Variants in ARHGEF28 observed in about 807,000 individuals in gnomAD.
The protein encoded by ARHGEF28 is Rho guanine nucleotide exchange factor 28.
Under a neutral mutation model 206.6 loss-of-function variants are expected in ARHGEF28, and 152 were observed. That is an observed-to-expected ratio of 0.74 (90% CI 0.64 to 0.84). The LOEUF is 0.84. ARHGEF28 is among the 40% of genes least tolerant of loss of function. ARHGEF28 has a pLI of 0.00. For synonymous variants in ARHGEF28, 763 were observed against 776.4 expected (o/e 0.98, Z 0.29); for missense variants, 2,028 against 2,073.2 (o/e 0.98, Z 0.42).
In ARHGEF28 at chr5:73,898,149, A is replaced by C. The variant is rs1323029651; in HGVS notation, c.3973+56A>C. The C allele has an allele frequency of 2.5e-6, 4 of 1,581,304 alleles. No individual in the cohort carries two copies. The African/African-American group carries it at 5.4e-5, about 21-fold the overall frequency. ...CCTGAGCACAGTCCCTGGAGCTTACAGTGGTCACGTAAAGTAAAGGCAATG... is the reference window on the plus strand; with the variant it reads ...CCTGAGCACAGTCCCTGGAGCTTACCGTGGTCACGTAAAGTAAAGGCAATG... On this transcript the variant is annotated intron_variant, in intron 30 of 35. Coordinates refer to ENST00000513042, the MANE Select transcript of ARHGEF28 (RefSeq NM_001177693.2).
chr5:73,920,467 T>A (rs1412965816), intron 35 of ARHGEF28, among the ~76,000 whole-genome samples: 1 of 152,098 alleles, frequency 6.6e-6, no homozygotes, highest in Non-Finnish European at 1.5e-5. Flanking sequence ...CTTGGATACG[T>A]GTGCAGAACA....
At chr5:73,738,273 A>G (rs953451904) in intron 2 of ARHGEF28, among the ~76,000 whole-genome samples, 8 of 152,178 alleles carry the variant, frequency 5.3e-5, no homozygotes, top group Admixed American at 4.6e-4. Flanking sequence ...TTCTGGTCCA[A>G]GGTTAGCAGT....
intron 1 of ARHGEF28, among the ~76,000 whole-genome samples, chr5:73,632,842 T>G (rs1023126309): frequency 1.3e-5 from 2 of 152,272 alleles, no homozygotes; most frequent in Admixed American, 6.5e-5. Flanking sequence ...GGATTCGTGT[T>G]GTAGAAGACA....
At chr5:73,642,200 A>G (rs964105468) in intron 1 of ARHGEF28, among the ~76,000 whole-genome samples, 3 of 152,146 alleles carry the variant, frequency 2.0e-5, no homozygotes, top group Non-Finnish European at 2.9e-5. Flanking sequence ...ACATTTGCAG[A>G]TTTGTCTTTA....
At chr5:73,681,946 C>A (rs1434128919) in intron 1 of ARHGEF28, among the ~76,000 whole-genome samples, 1 of 152,112 alleles carries the variant, frequency 6.6e-6, no homozygotes, top group East Asian at 1.9e-4. Context: ...CAGAAAAATA[C>A]AACTTAGCAC....
intron 1 of ARHGEF28, chr5:73,627,316 A>G (rs1304137979): frequency 3.9e-5 from 6 of 152,244 alleles, no homozygotes; most frequent in Admixed American, 3.3e-4. Flanking sequence ...TCGTTTATAA[A>G]GAACTGATCA....
At chr5:73,906,502 A>G (rs1762564366) in intron 33 of ARHGEF28, among the ~76,000 whole-genome samples, 1 of 152,252 alleles carries the variant, frequency 6.6e-6, no homozygotes, top group Non-Finnish European at 1.5e-5. Context: ...GATTACAGGC[A>G]TGAGTCACTG....
intron 9 of ARHGEF28, among the ~76,000 whole-genome samples, chr5:73,823,530 G>A (rs547559421): frequency 4.6e-5 from 7 of 152,178 alleles, no homozygotes; most frequent in African/African-American, 9.7e-5. Flanking sequence ...AGGTCTTTGA[G>A]TCTTGAGTAT....
At chr5:73,846,007 A>AG (rs1294481857) in intron 11 of ARHGEF28, among the ~76,000 whole-genome samples, 2 of 138,862 alleles carry the variant, frequency 1.4e-5, no homozygotes, top group Non-Finnish European at 3.0e-5. Context: ...AAAAAAAAAA[A>AG]AAAGAAAGAA....
In ARHGEF28 at chr5:73,835,638, G is replaced by A. The variant is rs1277853710; in HGVS notation, c.1146+3179G>A. Among the ~76,000 whole-genome samples the A allele has an allele frequency of 5.9e-5, 9 of 152,092 alleles. No individual in the cohort carries two copies. In the East Asian group the frequency reaches 1.5e-3, roughly 26 times the overall value. ...CATCTGACTGTTCTCTGTATCTTTTGTAATATTCACTATAATAAACCAGGA... is the reference window on the plus strand; with the variant it reads ...CATCTGACTGTTCTCTGTATCTTTTATAATATTCACTATAATAAACCAGGA... On this transcript the variant is annotated intron_variant, in intron 10 of 35. Transcript: ENST00000513042.
chr5:73,913,085 AAAC>A (rs1231126593), intron 35 of ARHGEF28, among the ~76,000 whole-genome samples: 2 of 152,246 alleles, frequency 1.3e-5, no homozygotes, highest in African/African-American at 4.8e-5. Flanking sequence ...CTAAGGAAAT[AAAC>A]AGTGATTATA....
chr5:73,896,849 G>A (rs556626537), intron 29 of ARHGEF28, among the ~76,000 whole-genome samples: 1 of 152,328 alleles, frequency 6.6e-6, no homozygotes, highest in South Asian at 2.1e-4. Flanking sequence ...CTGGCACACC[G>A]TGACAGAGGT....
intron 9 of ARHGEF28, among the ~76,000 whole-genome samples, chr5:73,798,207 A>G (rs1440581974): frequency 1.3e-5 from 2 of 152,132 alleles, no homozygotes; most frequent in African/African-American, 4.8e-5. Context: ...CCCTTCAAGT[A>G]TGTATCTTTT....
intron 2 of ARHGEF28, among the ~76,000 whole-genome samples, chr5:73,702,180 A>AT (rs769120754): frequency 3.9e-5 from 6 of 152,138 alleles, no homozygotes; most frequent in Non-Finnish European, 7.4e-5. Flanking sequence ...CATTACTGCT[A>AT]TTTTTTATTC....
At chr5:73,909,057 A>G (rs561642699) in intron 33 of ARHGEF28, 96 of 181,376 alleles carry the variant, frequency 5.3e-4, no homozygotes, top group African/African-American at 2.0e-3. Flanking sequence ...GAGATGTAGG[A>G]CAGGAATGCA....
intron 35 of ARHGEF28, among the ~76,000 whole-genome samples, chr5:73,923,829 A>G (rs1218856735): frequency 6.6e-6 from 1 of 152,226 alleles, no homozygotes; most frequent in East Asian, 1.9e-4. Context: ...TGAAGGGATA[A>G]TTAAATGACT....
chr5:73,860,812 T>A (rs1759351461), intron 16 of ARHGEF28, among the ~76,000 whole-genome samples: 1 of 152,232 alleles, frequency 6.6e-6, no homozygotes, highest in South Asian at 2.1e-4. Flanking sequence ...CATGGGCATT[T>A]GGTTCCCTCA....
chr5:73,932,872 G>A (rs283632), intron 35 of ARHGEF28, among the ~76,000 whole-genome samples: 31,206 of 138,742 alleles, frequency 0.22, 3,455 homozygotes, highest in Middle Eastern at 0.31. Flanking sequence ...GCAGTGGCGC[G>A]ATCTCGGCTC....
At chr5:73,882,029 G>T (rs1268497554) in intron 22 of ARHGEF28, among the ~76,000 whole-genome samples, 1 of 151,932 alleles carries the variant, frequency 6.6e-6, no homozygotes, top group African/African-American at 2.4e-5. Flanking sequence ...ATGCCAAATG[G>T]GTGATTTTTT....
Sources: gnomAD v4.1 joint callset for allele counts (sites outside exome capture counted in the v4.1 genomes callset) on GRCh38, gnomAD v4.1.1 for gene constraint, MANE v1.5 for transcripts, NCBI Gene and HGNC (gene_info 2026-07-23, HGNC 2026-07-21) for gene names.